COL4A6: variants seen among roughly 807,000 people sequenced by gnomAD.
COL4A6 encodes collagen alpha-6(IV) chain.
A neutral mutation model predicts 126.7 loss-of-function variants in COL4A6; 59 were observed. The ratio of observed to expected loss-of-function variants is 0.47; its 90% confidence interval spans 0.38 to 0.58. COL4A6 has a LOEUF of 0.58. Ranked by LOEUF, COL4A6 falls within the 20% of genes least tolerant of loss-of-function variation. The pLI is 0.00. For missense variants in COL4A6, 1,285 were observed against 1,337.3 expected (o/e 0.96, Z 0.61); for synonymous variants, 547 against 496.6 (o/e 1.10, Z -1.35).
chrX:108,204,778 A>G (rs893872148), intron 11 of COL4A6, among the ~76,000 whole-genome samples: 4 of 111,783 alleles, frequency 3.6e-5, no homozygotes, highest in African/African-American at 1.3e-4. Context: ...AAAGAGCACA[A>G]TCAGAGGCAA....
At chrX:108,288,567 T>C (rs1320430209) in intron 3 of COL4A6, among the ~76,000 whole-genome samples, 1 of 111,565 alleles carries the variant, frequency 9.0e-6, no homozygotes. Context: ...ATGGAACTCC[T>C]TATTTAGATA....
chrX:108,357,449 T>A (rs2039985138), intron 2 of COL4A6, among the ~76,000 whole-genome samples: 1 of 111,628 alleles, frequency 9.0e-6, no homozygotes, highest in African/African-American at 3.3e-5. Context: ...GATAAAATTC[T>A]GCTTACACCC....
chrX:108,309,671 T>C, intron 3 of COL4A6, among the ~76,000 whole-genome samples: 1 of 110,950 alleles, frequency 9.0e-6, no homozygotes, highest in Non-Finnish European at 1.9e-5. Flanking sequence ...GAAAGTTTGG[T>C]TGACCTATTT....
chrX:108,264,274 A>C (rs889523134), intron 3 of COL4A6, among the ~76,000 whole-genome samples: 1 of 111,823 alleles, frequency 8.9e-6, no homozygotes, highest in African/African-American at 3.2e-5. Context: ...CTGTATACAT[A>C]TTGGGTTAAC....
chrX:108,379,661 AT>A (rs1404215119), intron 2 of COL4A6, among the ~76,000 whole-genome samples: 3 of 109,160 alleles, frequency 2.7e-5, no homozygotes, highest in Admixed American at 2.0e-4. Context: ...ACTCTGCTTT[AT>A]TTATATCAAA....
chrX:108,251,128 C>T (rs2036842333), intron 3 of COL4A6, among the ~76,000 whole-genome samples: 1 of 111,383 alleles, frequency 9.0e-6, no homozygotes, highest in African/African-American at 3.3e-5. Context: ...CACATGCGGA[C>T]TGAGGCAGGA....
At chrX:108,332,417 C>T (rs776276382) in intron 2 of COL4A6, among the ~76,000 whole-genome samples, 66 of 111,647 alleles carry the variant, frequency 5.9e-4, no homozygotes, top group Non-Finnish European at 1.1e-3. Flanking sequence ...TACTTCTTTG[C>T]GAAACTTCCT....
chrX:108,206,568 C>T lies in COL4A6; in HGVS notation c.559G>A (p.Ala187Thr). Residue 187 changes from alanine (A) to threonine (T), a missense_variant, in exon 9 of 45, where the codon GCA becomes ACA. Physicochemically the swap from Ala to Thr is moderately conservative, Grantham distance 58. Transcript: ENST00000334504. ...GLDGITGPQG[A>T]PGFPGAVGPA... ...CCTACAGCTCCAGGAAATCCGGGTG[C>T]TCCTTGTGGGCCCTAGAGAGGCAAG... 8.3e-7 allele frequency: 1 copy of T among 1,210,076 alleles called. No individual in the cohort carries two copies. Among genetic ancestry groups the T allele is most frequent in the Non-Finnish European group, 1.1e-6 (1 of 894,285 alleles).
intron 2 of COL4A6, among the ~76,000 whole-genome samples, chrX:108,377,880 T>A (rs2040476544): frequency 1.1e-5 from 1 of 93,263 alleles, no homozygotes; most frequent in African/African-American, 4.2e-5. Flanking sequence ...AGGCGGAGCT[T>A]GCAGTGAGCC....
At chrX:108,275,631 G>A (rs954299680) in intron 3 of COL4A6, among the ~76,000 whole-genome samples, 2 of 112,713 alleles carry the variant, frequency 1.8e-5, no homozygotes, top group African/African-American at 3.2e-5. Context: ...CATTCTAACT[G>A]GGCAATTGGG....
intron 16 of COL4A6, among the ~76,000 whole-genome samples, 185 bp from the exon 17 acceptor site, chrX:108,193,882 AG>A (rs1411226896): frequency 6.2e-5 from 7 of 113,017 alleles, no homozygotes; most frequent in Non-Finnish European, 1.9e-5. Context: ...GGTGACACAA[AG>A]CAGGCCAGAG....
At chrX:108,194,950 T>C (rs1167017808) in intron 15 of COL4A6, 132 bp downstream of exon 15, 1 of 539,344 alleles carries the variant, frequency 1.9e-6, no homozygotes, top group Non-Finnish European at 3.1e-6. Context: ...TGGCTAAGAT[T>C]ATACCAAAAA....
chrX:108,370,565 T>A (rs987604174), intron 2 of COL4A6, among the ~76,000 whole-genome samples: 3 of 111,928 alleles, frequency 2.7e-5, no homozygotes, highest in Admixed American at 1.9e-4. Context: ...AACAGCTAAC[T>A]TTTTTGAGGT....
chrX:108,266,246 CTG>C (rs911161553), intron 3 of COL4A6, among the ~76,000 whole-genome samples: 3 of 111,445 alleles, frequency 2.7e-5, no homozygotes, highest in African/African-American at 9.8e-5. Context: ...TGTTGGAAGA[CTG>C]TGCTGACAGA....
chrX:108,310,682 C>A, intron 3 of COL4A6, 66 bp downstream of exon 3: 1 of 1,000,636 alleles, frequency 1.0e-6, no homozygotes, highest in Non-Finnish European at 1.4e-6. Flanking sequence ...CAGTTTATTT[C>A]TAAAGAAAAC....
In COL4A6 at chrX:108,438,002, G is replaced by C. The variant is rs759671865; in HGVS notation, c.12-9C>G. ...CCAGGAGCAGCCACAACCTGAAATG[G>C]GAGGGAGGGTGAGTAATGGGCTCTC... On this transcript the variant is annotated splice_polypyrimidine_tract_variant and intron_variant, in intron 1 of 44. Transcript: ENST00000334504. 2.5e-6 allele frequency: 3 copies of C among 1,210,352 alleles called. No homozygotes were observed. The highest frequency in any genetic ancestry group is 1.7e-5 in the African/African-American group (1 of 57,752).
rs7049795 is a variant in COL4A6, at chrX:108,367,529, G to C, written c.64-56701C>G. On this transcript the variant is annotated intron_variant, in intron 2 of 44. Transcript: ENST00000334504. The stretch of plus-strand genomic sequence containing the variant: ...ATATAGAGCCAAAGCAGATCTTTTG[G>C]GTCAGTGATCTTTCTGGACTGAGGC... Among the ~76,000 whole-genome samples the C allele has an allele frequency of 4.0e-3, 452 of 111,615 alleles. 2 individuals are homozygous for C. Among genetic ancestry groups the C allele is most frequent in the African/African-American group, 0.014 (420 of 30,777 alleles).
intron 3 of COL4A6, among the ~76,000 whole-genome samples, chrX:108,228,249 G>C (rs1254164293): frequency 1.8e-5 from 2 of 112,247 alleles, no homozygotes; most frequent in Admixed American, 9.4e-5. Context: ...CACTTACTCT[G>C]TGCCAGGCAC....
At chrX:108,216,450 C>T (rs2035859371) in intron 5 of COL4A6, among the ~76,000 whole-genome samples, 1 of 112,070 alleles carries the variant, frequency 8.9e-6, no homozygotes, top group African/African-American at 3.2e-5. Context: ...GTGAATAATG[C>T]CTATTCCACT....
Sources: gnomAD v4.1 joint callset for allele counts (sites outside exome capture counted in the v4.1 genomes callset) on GRCh38, gnomAD v4.1.1 for gene constraint, MANE v1.5 for transcripts, NCBI Gene and HGNC (gene_info 2026-07-23, HGNC 2026-07-21) for gene names.